Variants in PDXDC1 observed in about 807,000 individuals in gnomAD.
The protein encoded by PDXDC1 is pyridoxal-dependent decarboxylase domain-containing protein 1.
Under a neutral mutation model 100.1 loss-of-function variants are expected in PDXDC1, and 42 were observed. That is an observed-to-expected ratio of 0.42 (90% CI 0.33 to 0.54). PDXDC1 has a LOEUF of 0.54. Among genes scored for constraint, PDXDC1 ranks in the 20% least tolerant of loss-of-function variants. The pLI is 0.10. For missense variants in PDXDC1, 636 were observed against 979.2 expected, an observed-to-expected ratio of 0.65 and a Z score of 4.68; for synonymous variants, 260 against 371.7, an observed-to-expected ratio of 0.70 and a Z score of 3.46.
intron 16 of PDXDC1, chr16:15,134,132 T>C (rs1451919194): frequency 7.6e-7 from 1 of 1,310,412 alleles, no homozygotes; most frequent in South Asian, 1.2e-5. Flanking sequence ...GCCCCACTTC[T>C]GCCTGCAGGC....
intron 14 of PDXDC1, among the ~76,000 whole-genome samples, chr16:15,027,658 C>G (rs1413988276): frequency 6.6e-6 from 1 of 152,288 alleles, no homozygotes; most frequent in Non-Finnish European, 1.5e-5. Context: ...AACTCCGCCT[C>G]GTCCCCGTGG....
chr16:15,103,661 G>C (rs1398670784), intron 16 of PDXDC1, among the ~76,000 whole-genome samples: 1 of 126,626 alleles, frequency 7.9e-6, no homozygotes, highest in African/African-American at 3.0e-5. Flanking sequence ...GCACCATCAC[G>C]CCCAGCTAAT....
At chr16:14,989,274 A>T (rs4985166) in intron 1 of PDXDC1, 426,721 of 1,308,200 alleles carry the variant, frequency 0.33, 57,384 homozygotes, top group East Asian at 0.66. Context: ...CACCTGGGGG[A>T]TAATGGGGCC....
chr16:15,129,120 T>G (rs1278245792), intron 16 of PDXDC1, among the ~76,000 whole-genome samples: 1 of 151,496 alleles, frequency 6.6e-6, no homozygotes, highest in Admixed American at 6.6e-5. Flanking sequence ...TTTTTAAAAG[T>G]AGGTAATCAA....
chr16:15,079,498 G>A (rs1225161731), intron 16 of PDXDC1, among the ~76,000 whole-genome samples: 6 of 152,046 alleles, frequency 3.9e-5, no homozygotes, highest in East Asian at 3.9e-4. Context: ...TGTATTTAAC[G>A]CCTTGTTCTC....
intron 12 of PDXDC1, among the ~76,000 whole-genome samples, chr16:15,022,124 TTAGTCTAATGACAC>T (rs1201850675): frequency 6.6e-6 from 1 of 152,294 alleles, no homozygotes. Context: ...GATTGAGACA[TTAGTCTAATGACAC>T]TACATTCTAG....
intron 16 of PDXDC1, chr16:15,130,869 C>T (rs2048018897): frequency 4.1e-6 from 3 of 724,820 alleles, no homozygotes; most frequent in East Asian, 2.6e-5. Flanking sequence ...CCCTCCTGAG[C>T]CCACCCTCTG....
At chr16:15,033,614 A>G (rs1459316403) in intron 19 of PDXDC1, among the ~76,000 whole-genome samples, 1 of 152,244 alleles carries the variant, frequency 6.6e-6, no homozygotes, top group Non-Finnish European at 1.5e-5. Context: ...TCAGGGGGAA[A>G]GATCCACATA....
chr16:15,010,503 T>C (rs1200219250), intron 8 of PDXDC1: 1 of 154,348 alleles, frequency 6.5e-6, no homozygotes, highest in Non-Finnish European at 1.5e-5. Context: ...ATAAAAATAA[T>C]TGTACTGACG....
At chr16:15,078,973 G>A (rs1359400356) in intron 16 of PDXDC1, among the ~76,000 whole-genome samples, 9 of 151,900 alleles carry the variant, frequency 5.9e-5, no homozygotes, top group South Asian at 4.2e-4. Flanking sequence ...CACCATACCC[G>A]GCCAATTTTT....
chr16:15,065,095 G>C, intron 16 of PDXDC1: 1 of 930,286 alleles, frequency 1.1e-6, no homozygotes, highest in Non-Finnish European at 1.6e-6. Context: ...GAACCCGGGA[G>C]GCGGAGCTTG....
chr16:15,069,148 G>A (rs112527105), intron 16 of PDXDC1, among the ~76,000 whole-genome samples: 2,134 of 152,310 alleles, frequency 0.014, 17 homozygotes, highest in Middle Eastern at 0.037. Context: ...AGCTGTGGCT[G>A]TTAACCCAAG....
intron 16 of PDXDC1, chr16:15,137,390 T>C (rs1237746081): frequency 3.8e-5 from 57 of 1,516,308 alleles, no homozygotes; most frequent in South Asian, 1.8e-4. Flanking sequence ...GCACCAGCCC[T>C]GCTCCGAGAG....
At chr16:15,136,066 C>T in intron 16 of PDXDC1, 2 of 1,578,834 alleles carry the variant, frequency 1.3e-6, no homozygotes, top group Non-Finnish European at 1.7e-6. Context: ...GAAGGCCTCG[C>T]CCTGCGGCGC....
intron 16 of PDXDC1, among the ~76,000 whole-genome samples, chr16:15,050,820 T>A (rs2044265416): frequency 6.6e-6 from 1 of 152,200 alleles, no homozygotes; most frequent in Non-Finnish European, 1.5e-5. Flanking sequence ...TTTCTTCTGT[T>A]TATAAACTTC....
At chr16:15,110,073 G>A (rs1423730110) in intron 16 of PDXDC1, among the ~76,000 whole-genome samples, 1 of 148,556 alleles carries the variant, frequency 6.7e-6, no homozygotes, top group Non-Finnish European at 1.5e-5. Context: ...AGAATTGCTT[G>A]AACCCAAAAG....
At chr16:15,000,203 A>G (rs1972845986) in intron 3 of PDXDC1, among the ~76,000 whole-genome samples, 1 of 152,410 alleles carries the variant, frequency 6.6e-6, no homozygotes, top group Admixed American at 6.5e-5. Flanking sequence ...TACTCCCAGC[A>G]GCATCTGTAA....
At chr16:15,148,939 G>C in the PDXDC1 span, among the ~76,000 whole-genome samples, 2 of 152,168 alleles carry the variant, frequency 1.3e-5, no homozygotes, top group African/African-American at 2.4e-5. Context: ...CACAAGTTTG[G>C]CGAGTTTGCA....
the PDXDC1 span, among the ~76,000 whole-genome samples, chr16:15,148,345 G>A: frequency 6.8e-6 from 1 of 145,996 alleles, no homozygotes; most frequent in African/African-American, 2.5e-5. Flanking sequence ...ATCTTCTTTG[G>A]AGAAATCTCT....
Sources: allele counts gnomAD v4.1 joint callset (sites outside exome capture counted in the v4.1 genomes callset), GRCh38; gene constraint gnomAD v4.1.1; transcripts MANE v1.5; gene names NCBI Gene and HGNC (gene_info 2026-07-23, HGNC 2026-07-21).